Variants in STXBP5L observed in about 807,000 individuals in gnomAD.
STXBP5L encodes the protein syntaxin binding protein 5L.
Under a neutral mutation model 144.5 loss-of-function variants are expected in STXBP5L, and 65 were observed. That is an observed-to-expected ratio of 0.45 (90% CI 0.37 to 0.55). The LOEUF (loss-of-function observed/expected upper bound fraction) is 0.55. STXBP5L is among the 20% of genes least tolerant of loss of function. The pLI is 0.00. For missense variants in STXBP5L, 1,298 were observed against 1,405.5 expected (o/e 0.92, Z 1.22); for synonymous variants, 505 against 469.6 (o/e 1.08, Z -0.97).
chr3:121,126,138 T>C (rs1290722581), intron 7 of STXBP5L, among the ~76,000 whole-genome samples: 1 of 152,176 alleles, frequency 6.6e-6, no homozygotes, highest in African/African-American at 2.4e-5. Flanking sequence ...AAGCTTTTTT[T>C]GTACACACTT....
intron 9 of STXBP5L, among the ~76,000 whole-genome samples, chr3:121,192,552 T>C (rs2047740383): frequency 6.6e-6 from 1 of 152,168 alleles, no homozygotes; most frequent in East Asian, 1.9e-4. Context: ...GGAGGCATCA[T>C]GGTACTTGAC....
chr3:121,029,467 T>C (rs1946203476), intron 3 of STXBP5L, among the ~76,000 whole-genome samples: 1 of 152,136 alleles, frequency 6.6e-6, no homozygotes, highest in African/African-American at 2.4e-5. Context: ...TTGGGAAAAC[T>C]GGCTAGCCAT....
At chr3:121,018,102 T>C (rs80114773) in intron 3 of STXBP5L, among the ~76,000 whole-genome samples, 2 of 151,980 alleles carry the variant, frequency 1.3e-5, no homozygotes, top group African/African-American at 4.8e-5. Flanking sequence ...AATGAATGAA[T>C]GAAGAGATAT....
At chr3:120,991,730 A>T (rs978534781) in intron 3 of STXBP5L, among the ~76,000 whole-genome samples, 21 of 148,088 alleles carry the variant, frequency 1.4e-4, no homozygotes, top group South Asian at 2.3e-4. Context: ...CAAACACCGC[A>T]TGTTCTCACT....
intron 5 of STXBP5L, among the ~76,000 whole-genome samples, chr3:121,068,723 T>C (rs1161264147): frequency 1.3e-5 from 2 of 152,138 alleles, no homozygotes; most frequent in Admixed American, 6.5e-5. Context: ...GTTAATATTG[T>C]TTATATTCAT....
intron 18 of STXBP5L, among the ~76,000 whole-genome samples, chr3:121,270,668 G>C (rs980657977): frequency 2.0e-5 from 3 of 152,084 alleles, no homozygotes; most frequent in Admixed American, 2.0e-4. Flanking sequence ...GACCAGGCTG[G>C]CCTTGAACTC....
intron 3 of STXBP5L, among the ~76,000 whole-genome samples, chr3:121,027,046 T>C (rs1253001359): frequency 6.6e-6 from 1 of 151,912 alleles, no homozygotes; most frequent in East Asian, 1.9e-4. Context: ...TGGTGTGGCA[T>C]ATTCTGATCC....
chr3:121,052,546 C>A (rs1383293000), intron 5 of STXBP5L, among the ~76,000 whole-genome samples: 3 of 152,134 alleles, frequency 2.0e-5, no homozygotes, highest in South Asian at 2.1e-4. Context: ...AATTCAACAA[C>A]CCTTCATGCT....
At chr3:121,037,204 A>G (rs1382356260) in intron 3 of STXBP5L, among the ~76,000 whole-genome samples, 1 of 149,526 alleles carries the variant, frequency 6.7e-6, no homozygotes. Flanking sequence ...AAGTATTGGG[A>G]TTCCAGAAGT....
intron 20 of STXBP5L, among the ~76,000 whole-genome samples, chr3:121,355,585 T>C (rs2045478395): frequency 1.3e-5 from 2 of 152,178 alleles, no homozygotes; most frequent in Admixed American, 1.3e-4. Flanking sequence ...TAGCATTTCT[T>C]CTAACCTTTT....
At chr3:121,413,067 TA>T in intron 23 of STXBP5L, 90 bp from the exon 24 acceptor site, 1 of 1,047,198 alleles carries the variant, frequency 9.5e-7, no homozygotes, top group Non-Finnish European at 1.3e-6. Flanking sequence ...GAAACAACCA[TA>T]AAATAATAGA....
chr3:121,046,781 A>G (rs368474417), intron 5 of STXBP5L, among the ~76,000 whole-genome samples: 1 of 151,676 alleles, frequency 6.6e-6, no homozygotes, highest in Non-Finnish European at 1.5e-5. Flanking sequence ...GTGGTCTATC[A>G]TATTTCTTAT....
At chr3:121,314,669 A>G (rs1156375645) in intron 19 of STXBP5L, among the ~76,000 whole-genome samples, 2 of 152,134 alleles carry the variant, frequency 1.3e-5, no homozygotes, top group Non-Finnish European at 1.5e-5. Context: ...CTGCACAGCA[A>G]AAGAAACTAC....
chr3:121,010,787 A>T (rs1944716739), intron 3 of STXBP5L, among the ~76,000 whole-genome samples: 1 of 151,858 alleles, frequency 6.6e-6, no homozygotes, highest in Admixed American at 6.6e-5. Context: ...GAAAGAGAAA[A>T]TATATTTATT....
In STXBP5L at chr3:121,147,413, A is replaced by G. The variant is rs140915059; in HGVS notation, c.670-5064A>G. Among the ~76,000 whole-genome samples, 290 of 152,196 alleles carry G rather than the reference A, an allele frequency of 1.9e-3. 2 individuals carry two copies. Among genetic ancestry groups the G allele is most frequent in the East Asian group, 4.3e-3 (22 of 5,174 alleles). ...AAAATTAGAATATATTTTAAACAAA[A>G]TTGCAATAACAATGTGACATATCAA... On this transcript the variant is annotated intron_variant, in intron 7 of 26. Transcript: ENST00000471454.
intron 20 of STXBP5L, among the ~76,000 whole-genome samples, chr3:121,329,133 T>G (rs557945490): frequency 2.0e-5 from 3 of 152,254 alleles, no homozygotes; most frequent in African/African-American, 7.2e-5. Context: ...TGGCTTCTCT[T>G]GTATGGAAAA....
At chr3:121,297,404 A>G (rs2108480401) in intron 19 of STXBP5L, among the ~76,000 whole-genome samples, 1 of 152,330 alleles carries the variant, frequency 6.6e-6, no homozygotes, top group South Asian at 2.1e-4. Context: ...GCAGATCCAT[A>G]GAGACCCAAA....
intron 2 of STXBP5L, among the ~76,000 whole-genome samples, chr3:120,944,694 A>C (rs868225584): frequency 6.6e-6 from 1 of 151,788 alleles, no homozygotes; most frequent in Non-Finnish European, 1.5e-5. Context: ...ACTCTTGTGC[A>C]TACAGAACAA....
chr3:121,411,017 A>T (rs967531032), intron 23 of STXBP5L, among the ~76,000 whole-genome samples: 5 of 152,040 alleles, frequency 3.3e-5, no homozygotes, highest in Non-Finnish European at 5.9e-5. Context: ...TGTCATGGAA[A>T]TCTGTTTAAC....
Sources: allele counts gnomAD v4.1 joint callset (sites outside exome capture counted in the v4.1 genomes callset), GRCh38; gene constraint gnomAD v4.1.1; transcripts MANE v1.5; gene names NCBI Gene and HGNC (gene_info 2026-07-23, HGNC 2026-07-21).